DACH1: variants seen among roughly 807,000 people sequenced by gnomAD.
DACH1 encodes the protein dachshund family transcription factor 1.
Under a neutral mutation model 54.2 loss-of-function variants are expected in DACH1, and 12 were observed. The observed-to-expected ratio is 0.22, with a 90% CI of 0.14 to 0.36. DACH1 has a LOEUF of 0.36. Ranked by LOEUF, DACH1 falls within the 10% of genes least tolerant of loss-of-function variation. The pLI is 1.00. For synonymous variants in DACH1, 386 were observed against 366.2 expected, an observed-to-expected ratio of 1.05 and a Z score of -0.62; for missense variants, 805 against 929.8, an observed-to-expected ratio of 0.87 and a Z score of 1.75.
At chr13:71,740,553 T>G (rs1441251700) in intron 1 of DACH1, among the ~76,000 whole-genome samples, 1 of 152,152 alleles carries the variant, frequency 6.6e-6, no homozygotes, top group African/African-American at 2.4e-5. Flanking sequence ...ATATTTCAAG[T>G]GATTGTGCTT....
chr13:71,688,794 A>T (rs1881317192), intron 1 of DACH1, among the ~76,000 whole-genome samples: 1 of 152,218 alleles, frequency 6.6e-6, no homozygotes, highest in Non-Finnish European at 1.5e-5. Flanking sequence ...AAATACATAC[A>T]CAAATATGCA....
At chr13:71,680,000 G>C (rs1880804539) in intron 2 of DACH1, among the ~76,000 whole-genome samples, 1 of 143,946 alleles carries the variant, frequency 6.9e-6, no homozygotes, top group Non-Finnish European at 1.5e-5. Flanking sequence ...TAGTATAAAA[G>C]ATTTTCCTAT....
In DACH1 at chr13:71,866,675, GA is replaced by G; in HGVS notation, c.94del (p.Ser32ProfsTer162). The G allele has an allele frequency of 6.9e-7, 1 of 1,456,426 alleles. No homozygotes were observed. The highest frequency in any genetic ancestry group is 9.1e-7 in the Non-Finnish European group (1 of 1,097,022). The allele number at this position is 1,456,426 out of a possible 1,614,324, so 90.2% of individuals were successfully genotyped here. A position where few individuals can be genotyped will look rare whatever the true frequency, so the allele number is the denominator to read the frequency against. On this transcript the variant is annotated frameshift_variant, in exon 1 of 11. Coordinates refer to ENST00000613252, the MANE Select transcript of DACH1 (RefSeq NM_080759.6). LOFTEE classifies it high-confidence loss of function. ...CGGAGACGAAGTCGCCGAAGAGGTG[GA>G]GGTGGTGGTGCCAGAGGAGGAAGCA... is the stretch of plus-strand genomic sequence containing the variant. ...TSASSSGTTT[S>X]TSSATSSPAP...
chr13:71,556,876 T>C (rs1884285388), intron 6 of DACH1, 148 bp downstream of exon 6: 1 of 788,356 alleles, frequency 1.3e-6, no homozygotes, highest in Non-Finnish European at 1.8e-6. Context: ...AATGAATAGG[T>C]TTAATTTGTA....
At chr13:71,550,250 G>C (rs1255681322) in intron 6 of DACH1, among the ~76,000 whole-genome samples, 1 of 152,082 alleles carries the variant, frequency 6.6e-6, no homozygotes, top group Non-Finnish European at 1.5e-5. Context: ...ATATTTATAT[G>C]CATCAAGCAC....
chr13:71,527,294 T>A (rs1003553946), intron 6 of DACH1, among the ~76,000 whole-genome samples: 2 of 152,168 alleles, frequency 1.3e-5, no homozygotes, highest in Non-Finnish European at 2.9e-5. Context: ...AAGCATATTA[T>A]ACTTATATTT....
intron 1 of DACH1, among the ~76,000 whole-genome samples, chr13:71,779,474 A>G (rs2138061376): frequency 6.6e-6 from 1 of 152,032 alleles, no homozygotes; most frequent in South Asian, 2.1e-4. Context: ...GTGGCAACGC[A>G]AAATATACTT....
At chr13:71,549,729 T>C (rs766418844) in intron 6 of DACH1, among the ~76,000 whole-genome samples, 4 of 152,096 alleles carry the variant, frequency 2.6e-5, no homozygotes, top group Non-Finnish European at 5.9e-5. Flanking sequence ...ACTGTAGTAA[T>C]TTACTTTACA....
intron 7 of DACH1, among the ~76,000 whole-genome samples, chr13:71,486,102 T>C (rs1878481092): frequency 6.6e-6 from 1 of 151,900 alleles, no homozygotes; most frequent in Admixed American, 6.6e-5. Flanking sequence ...TTGATGATGA[T>C]GTCATGGAAA....
rs377488676 is a variant in DACH1 at position 71,682,175 on chromosome 13, A to G, written c.849-265T>C. ...ATATTAATATCTATACACAGTTTGA[A>G]TTGCCTCGTTTGCATATGCTAAAGT... On this transcript the variant is annotated intron_variant, in intron 1 of 10. Coordinates refer to ENST00000613252, the MANE Select transcript of DACH1 (RefSeq NM_080759.6). Among the ~76,000 whole-genome samples, 7 of 152,326 alleles carry G rather than the reference A, an allele frequency of 4.6e-5. No homozygotes were observed. The East Asian group carries it at 1.2e-3, about 25-fold the overall frequency.
intron 2 of DACH1, among the ~76,000 whole-genome samples, chr13:71,679,103 A>G (rs1880741478): frequency 6.6e-6 from 1 of 152,222 alleles, no homozygotes; most frequent in Non-Finnish European, 1.5e-5. Flanking sequence ...AACATATAGG[A>G]AAGAACAAAA....
intron 10 of DACH1, among the ~76,000 whole-genome samples, chr13:71,458,743 A>G (rs1435357361): frequency 2.0e-5 from 3 of 151,904 alleles, no homozygotes; most frequent in African/African-American, 7.2e-5. Context: ...TTTCTGTTTC[A>G]TATAATAAAA....
intron 2 of DACH1, among the ~76,000 whole-genome samples, chr13:71,647,538 C>T (rs1405794599): frequency 2.0e-5 from 3 of 152,156 alleles, no homozygotes; most frequent in Non-Finnish European, 2.9e-5. Flanking sequence ...TTGAAGAAAT[C>T]GTTCCCACGG....
intron 1 of DACH1, among the ~76,000 whole-genome samples, chr13:71,708,832 G>A (rs1241963767): frequency 5.4e-5 from 8 of 148,470 alleles, no homozygotes; most frequent in Admixed American, 1.4e-4. Flanking sequence ...AGCTTTCTCA[G>A]GGTTTCCAAG....
chr13:71,634,250 G>A (rs1339017539), intron 2 of DACH1, among the ~76,000 whole-genome samples: 3 of 152,114 alleles, frequency 2.0e-5, no homozygotes, highest in Non-Finnish European at 4.4e-5. Context: ...TGGGATTACA[G>A]GCATGAGCCA....
intron 1 of DACH1, among the ~76,000 whole-genome samples, chr13:71,694,583 A>C (rs1340776188): frequency 6.6e-6 from 1 of 152,216 alleles, no homozygotes. Flanking sequence ...TGTTATAAGA[A>C]ATTAAGATAT....
chr13:71,654,488 A>ATAAAT, intron 2 of DACH1, among the ~76,000 whole-genome samples: 1 of 145,004 alleles, frequency 6.9e-6, no homozygotes, highest in Admixed American at 6.8e-5. Flanking sequence ...ATAAAATAAA[A>ATAAAT]TAAAATAAAA....
intron 2 of DACH1, among the ~76,000 whole-genome samples, chr13:71,669,109 G>T (rs1302790292): frequency 1.3e-5 from 2 of 152,034 alleles, no homozygotes; most frequent in African/African-American, 2.4e-5. Flanking sequence ...ACTCTGAATC[G>T]GATGGCATCT....
chr13:71,548,958 T>A (rs186389986), intron 6 of DACH1, among the ~76,000 whole-genome samples: 1 of 151,834 alleles, frequency 6.6e-6, no homozygotes, highest in Non-Finnish European at 1.5e-5. Flanking sequence ...AAGTTTCAAT[T>A]TGGGGTAAAT....
Sources: allele counts gnomAD v4.1 joint callset (sites outside exome capture counted in the v4.1 genomes callset), GRCh38; gene constraint gnomAD v4.1.1; transcripts MANE v1.5; gene names NCBI Gene and HGNC (gene_info 2026-07-23, HGNC 2026-07-21).